CDH13: variants seen among roughly 807,000 people sequenced by gnomAD.
CDH13 encodes the protein cadherin-13.
CDH13 carries 24 observed loss-of-function variants against 63.8 expected under a neutral mutation model. The ratio of observed to expected loss-of-function variants is 0.38; its 90% CI spans 0.27 to 0.53. The LOEUF is 0.53. Among genes scored for constraint, CDH13 ranks in the 20% least tolerant of loss-of-function variants. The probability of loss-of-function intolerance (pLI) is 0.85; values close to 1 mark genes in which losing one functional copy is unlikely to be tolerated. For synonymous variants in CDH13, 503 were observed against 355.3 expected, an observed-to-expected ratio of 1.42 and a Z score of -4.67; for missense variants, 1,049 against 903.1, an observed-to-expected ratio of 1.16 and a Z score of -2.07.
At chr16:83,620,161 G>A (rs1291664336) in intron 8 of CDH13, among the ~76,000 whole-genome samples, 1 of 152,128 alleles carries the variant, frequency 6.6e-6, no homozygotes, top group Non-Finnish European at 1.5e-5. Flanking sequence ...CAGAGGCCAA[G>A]GTGGGTGGAT....
In CDH13 at chr16:83,799,708, A is replaced by C. The variant is rs565232255; in HGVS notation, c.*4678A>C. On this transcript the variant is annotated 3_prime_UTR_variant, in exon 14 of 14. Transcript: ENST00000567109. ...ACTGTTGAGATTTGATAATTTTCAC[A>C]GTCTAATGATAAAATGCTTTCAAAA... 8 of 152,376 alleles carry C rather than the reference A, an allele frequency of 5.3e-5. 1 individual carries two copies. In the South Asian group the frequency reaches 1.7e-3, roughly 32 times the overall value. 9.4% of individuals were successfully genotyped at this position (152,376 alleles called of 1,614,324 possible). A position where few individuals can be genotyped will look rare whatever the true frequency, so the allele number is the denominator to read the frequency against.
intron 1 of CDH13, among the ~76,000 whole-genome samples, chr16:82,693,539 G>T (rs933641884): frequency 5.9e-5 from 9 of 152,118 alleles, no homozygotes; most frequent in African/African-American, 2.2e-4. Context: ...AATGTATGCT[G>T]CATAAAGGAC....
chr16:83,229,495 T>G (rs1171353922), intron 5 of CDH13, among the ~76,000 whole-genome samples: 1 of 144,334 alleles, frequency 6.9e-6, no homozygotes, highest in Non-Finnish European at 1.5e-5. Context: ...ATTTTGAGGG[T>G]TTTTTTTTTC....
intron 3 of CDH13, among the ~76,000 whole-genome samples, chr16:83,092,107 A>G (rs1256502333): frequency 1.3e-5 from 2 of 152,212 alleles, no homozygotes; most frequent in Non-Finnish European, 2.9e-5. Flanking sequence ...AATTCATATC[A>G]CTGCATTCAT....
intron 7 of CDH13, among the ~76,000 whole-genome samples, chr16:83,588,859 G>A (rs61188364): frequency 0.036 from 5,503 of 152,272 alleles, 324 homozygotes; most frequent in African/African-American, 0.12. Flanking sequence ...AATGAGGTGC[G>A]GCTGGTGAGG....
At chr16:83,059,793 G>GTTTTTTT (rs66521965) in intron 3 of CDH13, among the ~76,000 whole-genome samples, 14 of 113,102 alleles carry the variant, frequency 1.2e-4, no homozygotes, top group African/African-American at 3.2e-4. Context: ...TTTTTTGTTT[G>GTTTTTTT]TTTTTTTTTT....
intron 6 of CDH13, among the ~76,000 whole-genome samples, chr16:83,372,839 A>G (rs2151402255): frequency 6.6e-6 from 1 of 152,094 alleles, no homozygotes; most frequent in East Asian, 1.9e-4. Flanking sequence ...TTGCAAGTAA[A>G]GGAGACTGAC....
At chr16:82,833,661 C>T (rs1441710194) in intron 1 of CDH13, among the ~76,000 whole-genome samples, 2 of 152,144 alleles carry the variant, frequency 1.3e-5, no homozygotes, top group Non-Finnish European at 2.9e-5. Context: ...AGGTAATAGC[C>T]TAATGTCAAC....
At position 83,078,487 on chromosome 16, in the gene CDH13, G is replaced by C. The variant is rs185552181; in HGVS notation, c.366+46269G>C. On this transcript the variant is annotated intron_variant, in intron 3 of 13. Coordinates refer to ENST00000567109, the MANE Select transcript of CDH13 (RefSeq NM_001257.5). ...GTTTGTACTTTGTACTCCTATAAGA[G>C]TCTAATGCCACTGCTGATCTCACAA... Among the ~76,000 whole-genome samples the C allele has an allele frequency of 4.1e-3, 632 of 152,360 alleles. 30 individuals are homozygous for C. Among genetic ancestry groups the C allele is most frequent in the Admixed American group, 0.034 (526 of 15,310 alleles).
At chr16:83,419,071 G>C (rs1238682456) in intron 6 of CDH13, among the ~76,000 whole-genome samples, 2 of 152,082 alleles carry the variant, frequency 1.3e-5, no homozygotes, top group Non-Finnish European at 2.9e-5. Context: ...GTGAAGTAAG[G>C]GGGAATAGGG....
At chr16:83,018,508 A>G (rs184972303) in intron 2 of CDH13, among the ~76,000 whole-genome samples, 46 of 152,338 alleles carry the variant, frequency 3.0e-4, no homozygotes, top group African/African-American at 9.4e-4. Flanking sequence ...ATGAAGTCAT[A>G]TAGGTTCCAC....
chr16:82,942,793 G>A (rs1017145149), intron 2 of CDH13, among the ~76,000 whole-genome samples: 3 of 152,136 alleles, frequency 2.0e-5, no homozygotes, highest in Non-Finnish European at 4.4e-5. Flanking sequence ...GAGTTACAAT[G>A]CTGGGATTGG....
chr16:83,352,747 A>G (rs2090980129), intron 6 of CDH13, among the ~76,000 whole-genome samples: 3 of 152,136 alleles, frequency 2.0e-5, no homozygotes, highest in Admixed American at 6.5e-5. Context: ...AAAATTAGCC[A>G]GGTGCTGTGG....
intron 2 of CDH13, among the ~76,000 whole-genome samples, chr16:82,865,464 C>T (rs965533143): frequency 6.6e-6 from 1 of 152,256 alleles, no homozygotes. Context: ...CACCTGCAGG[C>T]CCAACACCAC....
At chr16:83,651,026 G>A (rs894836528) in intron 8 of CDH13, among the ~76,000 whole-genome samples, 4 of 152,028 alleles carry the variant, frequency 2.6e-5, no homozygotes, top group Admixed American at 6.6e-5. Context: ...CATTGAGCCC[G>A]GGAGGTCAAG....
At chr16:83,567,585 CTGT>C (rs925719563) in intron 7 of CDH13, among the ~76,000 whole-genome samples, 1 of 152,010 alleles carries the variant, frequency 6.6e-6, no homozygotes, top group African/African-American at 2.4e-5. Flanking sequence ...CTTTGTTCGT[CTGT>C]TGTTTTTTGT....
intron 6 of CDH13, among the ~76,000 whole-genome samples, chr16:83,366,034 G>A (rs144853996): frequency 1.3e-3 from 194 of 152,234 alleles, no homozygotes; most frequent in South Asian, 4.4e-3. Context: ...GTTGTTTTAA[G>A]CCACTTAATT....
intron 3 of CDH13, among the ~76,000 whole-genome samples, chr16:83,097,522 G>T (rs1033333600): frequency 6.6e-6 from 1 of 152,202 alleles, no homozygotes; most frequent in Non-Finnish European, 1.5e-5. Flanking sequence ...AGGCTGTAAG[G>T]ATGATCTCAC....
intron 1 of CDH13, among the ~76,000 whole-genome samples, chr16:82,838,388 T>C (rs2038862212): frequency 6.6e-6 from 1 of 152,180 alleles, no homozygotes; most frequent in African/African-American, 2.4e-5. Flanking sequence ...AATATTTGCC[T>C]CATGGATATT....
Sources: allele counts gnomAD v4.1 joint callset (sites outside exome capture counted in the v4.1 genomes callset), GRCh38; gene constraint gnomAD v4.1.1; transcripts MANE v1.5; gene names NCBI Gene and HGNC (gene_info 2026-07-23, HGNC 2026-07-21).